GRIN2A: variants seen among roughly 807,000 people sequenced by gnomAD.
GRIN2A encodes the protein glutamate receptor ionotropic, NMDA 2A.
Under a neutral mutation model 113.4 loss-of-function variants are expected in GRIN2A, and 22 were observed. That is an observed-to-expected ratio of 0.19 (90% CI 0.14 to 0.28). The LOEUF (loss-of-function observed/expected upper bound fraction) is 0.28, where lower values mean the gene tolerates loss of function less well. Ranked by LOEUF, GRIN2A falls within the 10% of genes least tolerant of loss-of-function variation. The pLI is 1.00. For missense variants in GRIN2A, 1,502 were observed against 1,887.0 expected, an observed-to-expected ratio of 0.80 and a Z score of 3.78; for synonymous variants, 827 against 738.4, an observed-to-expected ratio of 1.12 and a Z score of -1.94.
intron 2 of GRIN2A, among the ~76,000 whole-genome samples, chr16:10,129,009 T>C (rs1365707889): frequency 1.3e-5 from 2 of 152,234 alleles, no homozygotes; most frequent in African/African-American, 4.8e-5. Context: ...CCAATCTTTA[T>C]TCATTTAACA....
chr16:10,003,595 A>C (rs1202973969), intron 2 of GRIN2A, among the ~76,000 whole-genome samples: 1 of 152,096 alleles, frequency 6.6e-6, no homozygotes, highest in African/African-American at 2.4e-5. Context: ...AATTGTGCAC[A>C]CTCCCACTTC....
chr16:9,827,934 A>G (rs527553804), intron 9 of GRIN2A, among the ~76,000 whole-genome samples: 12 of 152,236 alleles, frequency 7.9e-5, no homozygotes, highest in Admixed American at 4.6e-4. Context: ...TCCTGCCCCA[A>G]ATTTCCAAAT....
chr16:10,130,126 A>G (rs1188155507), intron 2 of GRIN2A, among the ~76,000 whole-genome samples: 1 of 152,218 alleles, frequency 6.6e-6, no homozygotes, highest in African/African-American at 2.4e-5. Context: ...GCTAAAGACA[A>G]TGAGACTCAG....
chr16:10,148,931 C>A (rs2049504093), intron 2 of GRIN2A, among the ~76,000 whole-genome samples: 1 of 152,160 alleles, frequency 6.6e-6, no homozygotes, highest in African/African-American at 2.4e-5. Flanking sequence ...ATGGATAGAA[C>A]TGGAAGTCAT....
At chr16:9,864,395 A>G (rs565683846) in intron 4 of GRIN2A, among the ~76,000 whole-genome samples, 9 of 152,232 alleles carry the variant, frequency 5.9e-5, no homozygotes, top group Non-Finnish European at 1.2e-4. Flanking sequence ...ATGACTGAAC[A>G]TGACTATAGA....
At chr16:9,969,746 TGA>T (rs1482366597) in intron 2 of GRIN2A, among the ~76,000 whole-genome samples, 1 of 152,238 alleles carries the variant, frequency 6.6e-6, no homozygotes, top group African/African-American at 2.4e-5. Flanking sequence ...AGGCAGGGTA[TGA>T]CTGGCACCCA....
intron 3 of GRIN2A, among the ~76,000 whole-genome samples, chr16:9,924,482 C>A (rs1247598971): frequency 6.6e-6 from 1 of 152,102 alleles, no homozygotes; most frequent in African/African-American, 2.4e-5. Context: ...TGTGGTATAT[C>A]TTTTTAGCTG....
At chr16:9,842,674 T>C (rs2141350184) in intron 5 of GRIN2A, among the ~76,000 whole-genome samples, 1 of 152,320 alleles carries the variant, frequency 6.6e-6, no homozygotes, top group East Asian at 1.9e-4. Flanking sequence ...CAGTGGCTCA[T>C]TCCTGTAATC....
rs765996898 is a variant in GRIN2A, at chr16:9,764,649, T to G, written c.2895A>C (p.Thr965=). The change falls in exon 13 of 13, where the codon ACA becomes ACC. Residue 965 remains threonine, a synonymous_variant. Transcript: ENST00000330684. The part of the protein sequence containing the change: ...IFGDNMNELQ[T]FVANRQKDNL... ...TATCCTTCTGCCGGTTGGCCACAAA[T>G]GTTTGGAGTTCGTTCATGTTGTCTC... 2 of 1,614,186 alleles carry G rather than the reference T, an allele frequency of 1.2e-6. No homozygotes were observed. The highest frequency in any genetic ancestry group is 1.7e-6 in the Non-Finnish European group (2 of 1,180,008).
chr16:9,930,370 C>G (rs1010823363), intron 3 of GRIN2A, among the ~76,000 whole-genome samples: 1 of 152,158 alleles, frequency 6.6e-6, no homozygotes, highest in Non-Finnish European at 1.5e-5. Context: ...CAGAATAACC[C>G]AGATAATAAG....
intron 11 of GRIN2A, among the ~76,000 whole-genome samples, chr16:9,769,407 A>G (rs999680479): frequency 1.4e-5 from 2 of 146,568 alleles, no homozygotes; most frequent in African/African-American, 2.5e-5. Flanking sequence ...TATATAATAT[A>G]TATAACTTAG....
chr16:9,797,607 G>A (rs761330304), intron 11 of GRIN2A, among the ~76,000 whole-genome samples: 12 of 152,172 alleles, frequency 7.9e-5, no homozygotes, highest in Admixed American at 3.9e-4. Context: ...TGACTCCACC[G>A]TGAGTCATGC....
At chr16:10,083,499 A>C (rs1050460000) in intron 2 of GRIN2A, among the ~76,000 whole-genome samples, 1 of 152,202 alleles carries the variant, frequency 6.6e-6, no homozygotes, top group Non-Finnish European at 1.5e-5. Flanking sequence ...GATCTAAATC[A>C]CTGAGTAAGG....
chr16:9,907,789 C>T (rs899130370), intron 3 of GRIN2A, among the ~76,000 whole-genome samples: 2 of 152,188 alleles, frequency 1.3e-5, no homozygotes, highest in African/African-American at 4.8e-5. Flanking sequence ...CCAGCCTCCA[C>T]TCCCTCCTCA....
intron 2 of GRIN2A, among the ~76,000 whole-genome samples, chr16:10,130,288 A>C (rs1266542381): frequency 2.0e-5 from 3 of 152,198 alleles, no homozygotes; most frequent in African/African-American, 7.2e-5. Context: ...GGGAAAATCA[A>C]ATCAGTAATC....
At position 10,174,960 on chromosome 16, in the gene GRIN2A, G is replaced by T. The variant is rs1250058080; in HGVS notation, c.414+5038C>A. On this transcript the variant is annotated intron_variant, in intron 2 of 12. Coordinates refer to ENST00000330684, the MANE Select transcript of GRIN2A (RefSeq NM_001134407.3). Reference sequence around the variant, plus strand: ...CAATGGACCACAAGTACACAATGCTGGTCCCATAAGATTATATTCTAAGTT... The same window carrying T: ...CAATGGACCACAAGTACACAATGCTTGTCCCATAAGATTATATTCTAAGTT... 2.0e-5 allele frequency among the ~76,000 whole-genome samples: 3 copies of T among 152,242 alleles called. No individual in the cohort carries two copies. In the East Asian group the frequency reaches 5.8e-4, roughly 29 times the overall value.
At chr16:9,934,916 T>C (rs1325963901) in intron 3 of GRIN2A, among the ~76,000 whole-genome samples, 4 of 151,894 alleles carry the variant, frequency 2.6e-5, no homozygotes, top group South Asian at 4.2e-4. Flanking sequence ...GGAGAGATGT[T>C]TCATTAAACA....
At chr16:9,996,463 AC>A (rs2046225612) in intron 2 of GRIN2A, among the ~76,000 whole-genome samples, 1 of 152,196 alleles carries the variant, frequency 6.6e-6, no homozygotes, top group East Asian at 1.9e-4. Flanking sequence ...ACCTGCTCCT[AC>A]CCATCACTGT....
At chr16:9,850,124 A>G (rs2042857581) in intron 4 of GRIN2A, among the ~76,000 whole-genome samples, 163 bp from the exon 5 acceptor site, 1 of 152,188 alleles carries the variant, frequency 6.6e-6, no homozygotes, top group Admixed American at 6.5e-5. Context: ...GGGCATAAAG[A>G]GAAAACAGAA....
Sources: gnomAD v4.1 joint callset for allele counts (sites outside exome capture counted in the v4.1 genomes callset) on GRCh38, gnomAD v4.1.1 for gene constraint, MANE v1.5 for transcripts, NCBI Gene and HGNC (gene_info 2026-07-23, HGNC 2026-07-21) for gene names.